RARB: variants seen among roughly 807,000 people sequenced by gnomAD.
The protein encoded by RARB is HBV-activated protein.
In RARB, 17 loss-of-function variants were observed where a neutral mutation model predicts 51.9. That is an observed-to-expected ratio of 0.33 (90% CI 0.22 to 0.49). The LOEUF (loss-of-function observed/expected upper bound fraction) is 0.49. RARB is among the 20% of genes least tolerant of loss of function. The probability of loss-of-function intolerance (pLI) is 0.99; values close to 1 mark genes in which losing one functional copy is unlikely to be tolerated. For missense variants in RARB, 369 were observed against 550.8 expected, an observed-to-expected ratio of 0.67 and a Z score of 3.30; for synonymous variants, 215 against 195.4, an observed-to-expected ratio of 1.10 and a Z score of -0.84.
intron 3 of RARB, among the ~76,000 whole-genome samples, chr3:25,520,534 T>C (rs1698357248): frequency 6.6e-6 from 1 of 152,228 alleles, no homozygotes; most frequent in African/African-American, 2.4e-5. Context: ...TAGATGAGAA[T>C]TTAAACATCC....
At chr3:25,036,673 A>G (rs574478087) in intron 2 of RARB, among the ~76,000 whole-genome samples, 1 of 152,194 alleles carries the variant, frequency 6.6e-6, no homozygotes, top group African/African-American at 2.4e-5. Context: ...CCAGTACCTG[A>G]GTGTGGTGCC....
At chr3:24,833,937 T>G (rs1393062768) in intron 1 of RARB, among the ~76,000 whole-genome samples, 1 of 152,238 alleles carries the variant, frequency 6.6e-6, no homozygotes, top group African/African-American at 2.4e-5. Context: ...TCCAGGCCGA[T>G]ATCACCTTTC....
intron 4 of RARB, among the ~76,000 whole-genome samples, chr3:25,574,335 C>T (rs1255669652): frequency 1.3e-5 from 2 of 152,222 alleles, no homozygotes; most frequent in African/African-American, 4.8e-5. Flanking sequence ...ACATCCACCT[C>T]CTGCCTGGAG....
At chr3:25,024,318 T>C (rs542597569) in intron 2 of RARB, among the ~76,000 whole-genome samples, 1 of 152,324 alleles carries the variant, frequency 6.6e-6, no homozygotes, top group African/African-American at 2.4e-5. Flanking sequence ...TGACTGTTAG[T>C]TAATAAAACT....
rs113424948 is a variant in RARB at position 25,336,025 on chromosome 3, A to T, written c.179-125168A>T. On this transcript the variant is annotated intron_variant, in intron 5 of 11. Coordinates refer to the RARB transcript ENST00000383772. ...AGAGTTCTTTTAGAATTTTCCTAATAGGTTTTTTTCAGTTTTCACCAGAAG... is the reference window on the plus strand; with the variant it reads ...AGAGTTCTTTTAGAATTTTCCTAATTGGTTTTTTTCAGTTTTCACCAGAAG... 5.8e-3 allele frequency among the ~76,000 whole-genome samples: 874 copies of T among 150,968 alleles called. 5 individuals carry two copies. Among genetic ancestry groups the T allele is most frequent in the African/African-American group, 0.018 (751 of 41,316 alleles).
chr3:25,003,957 G>T (rs1280041958), intron 2 of RARB, among the ~76,000 whole-genome samples: 1 of 152,140 alleles, frequency 6.6e-6, no homozygotes, highest in East Asian at 1.9e-4. Flanking sequence ...ATCAGAGCAT[G>T]CAGGTCATGC....
At chr3:24,870,396 C>G (rs1702924467) in intron 2 of RARB, among the ~76,000 whole-genome samples, 1 of 151,958 alleles carries the variant, frequency 6.6e-6, no homozygotes, top group African/African-American at 2.4e-5. Flanking sequence ...TTTTATAGTC[C>G]AAACTTATCT....
At chr3:25,406,951 T>C (rs77673223) in intron 5 of RARB, among the ~76,000 whole-genome samples, 2,337 of 152,330 alleles carry the variant, frequency 0.015, 56 homozygotes, top group African/African-American at 0.05. Flanking sequence ...AAGTTATCTT[T>C]GCTTCCTTCT....
chr3:24,843,900 TACACACACACACACACACACACAC>T (rs71057685), intron 1 of RARB, among the ~76,000 whole-genome samples: 2 of 145,250 alleles, frequency 1.4e-5, no homozygotes, highest in Admixed American at 6.9e-5. Flanking sequence ...GATTTGAGGG[TACACACACACACACACACACACAC>T]ACACACACAC....
chr3:24,835,847 C>A (rs1329087357), intron 1 of RARB, among the ~76,000 whole-genome samples: 1 of 152,126 alleles, frequency 6.6e-6, no homozygotes, highest in African/African-American at 2.4e-5. Flanking sequence ...GCCCCGGGGG[C>A]CCAAGTTATA....
chr3:25,469,953 C>T (rs918301932), intron 2 of RARB, among the ~76,000 whole-genome samples: 2 of 151,918 alleles, frequency 1.3e-5, no homozygotes, highest in South Asian at 4.2e-4. Flanking sequence ...AAAAGGGGAA[C>T]GTGGAGGAGG....
At chr3:24,843,147 A>T (rs1575032234) in intron 1 of RARB, among the ~76,000 whole-genome samples, 1 of 152,186 alleles carries the variant, frequency 6.6e-6, no homozygotes, top group East Asian at 1.9e-4. Flanking sequence ...ACCATGCTTT[A>T]AAAATTGGAT....
chr3:25,161,310 G>A (rs906096830), intron 4 of RARB, among the ~76,000 whole-genome samples: 3 of 151,786 alleles, frequency 2.0e-5, no homozygotes, highest in Non-Finnish European at 4.4e-5. Context: ...GCCTCCCAAA[G>A]TGCTGGGATT....
intron 1 of RARB, among the ~76,000 whole-genome samples, chr3:25,451,187 T>A (rs1023177985): frequency 6.6e-6 from 1 of 152,166 alleles, no homozygotes; most frequent in Non-Finnish European, 1.5e-5. Flanking sequence ...GAGGTGAAGG[T>A]TGGCTATCAT....
chr3:25,033,302 G>T (rs1296509532), intron 2 of RARB, among the ~76,000 whole-genome samples: 1 of 152,162 alleles, frequency 6.6e-6, no homozygotes, highest in African/African-American at 2.4e-5. Context: ...CTCATCTATT[G>T]TTAAAGATAG....
intron 2 of RARB, among the ~76,000 whole-genome samples, chr3:25,034,967 A>G (rs1697953571): frequency 6.6e-6 from 1 of 152,222 alleles, no homozygotes; most frequent in South Asian, 2.1e-4. Context: ...TGAATTGTCC[A>G]TTGACACGAA....
intron 3 of RARB, among the ~76,000 whole-genome samples, chr3:25,072,239 A>C (rs1320803192): frequency 6.6e-6 from 1 of 152,230 alleles, no homozygotes; most frequent in Non-Finnish European, 1.5e-5. Context: ...TTTGAATCTT[A>C]AAACTGGGCA....
chr3:24,867,704 T>C (rs1702877420), intron 2 of RARB, among the ~76,000 whole-genome samples: 1 of 152,134 alleles, frequency 6.6e-6, no homozygotes, highest in Non-Finnish European at 1.5e-5. Context: ...GAAGGAGACC[T>C]CAGGGTCGTT....
At chr3:25,472,282 T>C (rs1436392516) in intron 2 of RARB, among the ~76,000 whole-genome samples, 1 of 152,186 alleles carries the variant, frequency 6.6e-6, no homozygotes, top group Non-Finnish European at 1.5e-5. Flanking sequence ...CATCATCTTA[T>C]TCTAGCTACT....
Sources: gnomAD v4.1 joint callset for allele counts (sites outside exome capture counted in the v4.1 genomes callset) on GRCh38, gnomAD v4.1.1 for gene constraint, MANE v1.5 for transcripts, NCBI Gene and HGNC (gene_info 2026-07-23, HGNC 2026-07-21) for gene names.